CDH11: variants seen among roughly 807,000 people sequenced by gnomAD.
CDH11 encodes cadherin 11.
CDH11 carries 11 observed loss-of-function variants against 67.8 expected under a neutral mutation model. That is an observed-to-expected ratio of 0.16 (90% CI 0.10 to 0.27). The LOEUF (loss-of-function observed/expected upper bound fraction) is 0.27. CDH11 is among the 10% of genes least tolerant of loss of function. The pLI is 1.00. For missense variants in CDH11, 847 were observed against 1,031.2 expected, an observed-to-expected ratio of 0.82 and a Z score of 2.45; for synonymous variants, 419 against 400.0, an observed-to-expected ratio of 1.05 and a Z score of -0.57.
intron 7 of CDH11, chr16:64,984,866 G>A (rs1567508898): frequency 6.6e-6 from 1 of 152,284 alleles, no homozygotes; most frequent in Non-Finnish European, 1.5e-5. Flanking sequence ...TAAATGTTAT[G>A]TATCCACATC....
At chr16:65,070,344 G>A (rs913888602) in intron 1 of CDH11, among the ~76,000 whole-genome samples, 1 of 152,120 alleles carries the variant, frequency 6.6e-6, no homozygotes, top group Admixed American at 6.5e-5. Flanking sequence ...AGGAATGCAG[G>A]GAGCTGGTGA....
At chr16:65,035,055 G>A (rs769219811) in intron 2 of CDH11, among the ~76,000 whole-genome samples, 5 of 152,228 alleles carry the variant, frequency 3.3e-5, no homozygotes, top group Non-Finnish European at 7.3e-5. Flanking sequence ...GAGGTGCTGG[G>A]AGGCGGGGCT....
chr16:65,026,812 C>G (rs917274310), intron 2 of CDH11, among the ~76,000 whole-genome samples: 55 of 152,322 alleles, frequency 3.6e-4, no homozygotes, highest in African/African-American at 1.3e-3. Context: ...ACATTTTCCA[C>G]ATTAGAACAA....
intron 1 of CDH11, among the ~76,000 whole-genome samples, chr16:65,112,325 T>C (rs1007425091): frequency 5.3e-5 from 8 of 152,052 alleles, no homozygotes; most frequent in African/African-American, 1.4e-4. Flanking sequence ...ATGGCAGAGT[T>C]TGTTGGTCTA....
chr16:65,004,759 C>T lies in CDH11; in HGVS notation c.111G>A (p.Gly37=), dbSNP rs1405814198. Residue 37 remains glycine (G), a synonymous_variant, in exon 3 of 13, where the codon GGG becomes GGA. Coordinates refer to ENST00000268603, the MANE Select transcript of CDH11 (RefSeq NM_001797.4). ...GCCCCTCCTTGCCCTTCTCATGGTG[C>T]CCATGGAAGGAGGGCCGCAGGTGCC... ...RRGHLRPSFH[G]HHEKGKEGQV... 7 of 1,612,550 alleles carry T rather than the reference C, an allele frequency of 4.3e-6. No homozygotes were observed. Among genetic ancestry groups the T allele is most frequent in the Middle Eastern group, 1.7e-4 (1 of 5,944 alleles).
chr16:64,992,291 T>G (rs1355688451), intron 5 of CDH11, among the ~76,000 whole-genome samples: 1 of 152,228 alleles, frequency 6.6e-6, no homozygotes, highest in Non-Finnish European at 1.5e-5. Context: ...CTTCTGTAAG[T>G]CTATTGCTAC....
At chr16:64,999,073 T>C (rs957524975) in intron 3 of CDH11, among the ~76,000 whole-genome samples, 1 of 152,198 alleles carries the variant, frequency 6.6e-6, no homozygotes, top group Non-Finnish European at 1.5e-5. Flanking sequence ...TTCAAATATA[T>C]ATATTTTTAA....
At chr16:65,056,664 T>C (rs552805481) in intron 1 of CDH11, among the ~76,000 whole-genome samples, 5 of 152,296 alleles carry the variant, frequency 3.3e-5, no homozygotes, top group Non-Finnish European at 7.4e-5. Flanking sequence ...TTGCTGAAAG[T>C]GTACAGCCAA....
At chr16:65,007,532 G>A (rs746950773) in intron 2 of CDH11, among the ~76,000 whole-genome samples, 5 of 152,158 alleles carry the variant, frequency 3.3e-5, no homozygotes, top group Admixed American at 6.5e-5. Context: ...AGGCCCCAGA[G>A]GACGGGTTAG....
At chr16:65,011,498 G>T (rs1315135119) in intron 2 of CDH11, among the ~76,000 whole-genome samples, 3 of 152,012 alleles carry the variant, frequency 2.0e-5, no homozygotes, top group African/African-American at 7.2e-5. Context: ...CCAATGTAAG[G>T]CCCCAGACCT....
At chr16:64,965,088 G>A (rs183115143) in intron 11 of CDH11, among the ~76,000 whole-genome samples, 1 of 150,478 alleles carries the variant, frequency 6.6e-6, no homozygotes, top group African/African-American at 2.4e-5. Context: ...GCCAGGCATG[G>A]TGGCTCACGT....
chr16:65,058,143 G>A (rs2074177560), intron 1 of CDH11, among the ~76,000 whole-genome samples: 1 of 152,104 alleles, frequency 6.6e-6, no homozygotes, highest in African/African-American at 2.4e-5. Context: ...GATCGTTTGA[G>A]CCTGGGGGAT....
At chr16:65,054,060 A>G in intron 1 of CDH11, 132 bp from the exon 2 acceptor site, 3 of 356,482 alleles carry the variant, frequency 8.4e-6, no homozygotes, top group South Asian at 6.5e-5. Context: ...AAAGAGAGAG[A>G]GAAACAAATT....
In CDH11 at chr16:64,946,288, A is replaced by G. The variant is rs1039322195; in HGVS notation, c.*1315T>C. On this transcript the variant is annotated 3_prime_UTR_variant, in exon 13 of 13. Coordinates refer to ENST00000268603, the MANE Select transcript of CDH11 (RefSeq NM_001797.4). ...AGCCTGGTAAGTTCAACAGAAGAAA[A>G]AATAGAATAACATTAGAGTCTGGGC... is the stretch of plus-strand genomic sequence containing the variant. The G allele has an allele frequency of 9.6e-7, 1 of 1,045,982 alleles. No homozygotes were observed. Among genetic ancestry groups the G allele is most frequent in the Non-Finnish European group, 1.2e-6 (1 of 867,090 alleles). The allele number at this position is 1,045,982 out of a possible 1,614,324, so 64.8% of individuals were successfully genotyped here.
At chr16:65,032,451 C>A (rs1433072156) in intron 2 of CDH11, among the ~76,000 whole-genome samples, 1 of 151,854 alleles carries the variant, frequency 6.6e-6, no homozygotes, top group African/African-American at 2.4e-5. Context: ...CATTGCGCCA[C>A]TACACTCCAG....
At chr16:64,952,416 A>G (rs1290684181) in intron 11 of CDH11, among the ~76,000 whole-genome samples, 1 of 152,188 alleles carries the variant, frequency 6.6e-6, no homozygotes, top group Non-Finnish European at 1.5e-5. Context: ...CATTCAATAA[A>G]TATTTGTTGA....
chr16:64,970,462 A>C (rs2071974000), intron 11 of CDH11, among the ~76,000 whole-genome samples: 1 of 152,156 alleles, frequency 6.6e-6, no homozygotes, highest in South Asian at 2.1e-4. Flanking sequence ...CGAGTTATTT[A>C]ATGATTCTGT....
At chr16:64,950,101 C>T (rs2142369498) in intron 12 of CDH11, among the ~76,000 whole-genome samples, 1 of 152,196 alleles carries the variant, frequency 6.6e-6, no homozygotes, top group Middle Eastern at 3.4e-3. Context: ...TTCCTGAGGC[C>T]CAGCAATGGC....
chr16:64,967,730 C>G (rs1411448796), intron 11 of CDH11, among the ~76,000 whole-genome samples: 1 of 151,240 alleles, frequency 6.6e-6, no homozygotes. Context: ...AGAAAGGATA[C>G]ACAAATAGCA....
Sources: allele counts gnomAD v4.1 joint callset (sites outside exome capture counted in the v4.1 genomes callset), GRCh38; gene constraint gnomAD v4.1.1; transcripts MANE v1.5; gene names NCBI Gene and HGNC (gene_info 2026-07-23, HGNC 2026-07-21).